KLHDC10: variants seen among roughly 807,000 people sequenced by gnomAD.
KLHDC10 encodes the protein kelch domain-containing protein 10.
A neutral mutation model predicts 56.1 loss-of-function variants in KLHDC10; 24 were observed. The ratio of observed to expected loss-of-function variants is 0.43; its 90% confidence interval spans 0.31 to 0.60. KLHDC10 has a LOEUF of 0.60. Ranked by LOEUF, KLHDC10 falls within the 20% of genes least tolerant of loss-of-function variation. KLHDC10 has a pLI of 0.11. For synonymous variants in KLHDC10, 188 were observed against 207.1 expected (o/e 0.91, Z 0.79); for missense variants, 349 against 567.0 (o/e 0.62, Z 3.91).
At chr7:130,105,375 GATAA>G (rs1563102064) in intron 2 of KLHDC10, among the ~76,000 whole-genome samples, 1 of 152,064 alleles carries the variant, frequency 6.6e-6, no homozygotes, top group African/African-American at 2.4e-5. Context: ...ACTTAGACTG[GATAA>G]ATAAATTGTG....
chr7:130,070,554 G>A lies in KLHDC10; in HGVS notation c.-90G>A. 6.6e-6 allele frequency: 8 copies of A among 1,203,904 alleles called. No individual in the cohort carries two copies. Among genetic ancestry groups the A allele is most frequent in the Non-Finnish European group, 8.4e-6 (8 of 952,158 alleles). The allele number at this position is 1,203,904 out of a possible 1,614,324, so 74.6% of individuals were successfully genotyped here. On this transcript the variant is annotated 5_prime_UTR_variant, in exon 1 of 10. Transcript: ENST00000335420. The stretch of plus-strand genomic sequence containing the variant: ...GCGCTGCCCCCTTCCCCTGTCTCCT[G>A]GGTCTCTGGAGGAGCCCAGGAAGGA...
chr7:130,109,023 T>C (rs977016355), intron 2 of KLHDC10, among the ~76,000 whole-genome samples: 2 of 152,044 alleles, frequency 1.3e-5, no homozygotes, highest in Non-Finnish European at 2.9e-5. Context: ...TAAGTGATTC[T>C]TCCGCCTCAG....
At chr7:130,080,999 C>CTTTT (rs966845024) in intron 1 of KLHDC10, among the ~76,000 whole-genome samples, 9 of 131,928 alleles carry the variant, frequency 6.8e-5, no homozygotes, top group African/African-American at 1.2e-4. Context: ...TTTCAGTTTT[C>CTTTT]TTTTTTTTTT....
Position 130,086,050 on chromosome 7 carries a change from C to T in KLHDC10, c.167-10871C>T, listed in dbSNP as rs572772292. On this transcript the variant is annotated intron_variant, in intron 1 of 9. Transcript: ENST00000335420. The stretch of plus-strand genomic sequence containing the variant: ...AATTACTTAGAATTTTGAGGTGCAG[C>T]CTAATTTTTATTAGCCTGTATATTT... Among the ~76,000 whole-genome samples the T allele has an allele frequency of 2.6e-5, 4 of 151,948 alleles. No individual in the cohort carries two copies. In the East Asian group the frequency reaches 7.7e-4, roughly 29 times the overall value.
At position 130,133,357 on chromosome 7, in the gene KLHDC10, A is replaced by ACT. The variant is rs1478296621; in HGVS notation, c.*2612_*2613dup. ...TCTTTGAGGTACTCCCAGCCGTCTTACTACAGTCCTGTAAATTTAAGTGCA... is the reference window on the plus strand; with the variant it reads ...TCTTTGAGGTACTCCCAGCCGTCTTACTCTACAGTCCTGTAAATTTAAGTGCA... On this transcript the variant is annotated 3_prime_UTR_variant, in exon 10 of 10. Coordinates refer to ENST00000335420, the MANE Select transcript of KLHDC10 (RefSeq NM_014997.4). 1 of 152,234 alleles carries ACT rather than the reference A, an allele frequency of 6.6e-6. No individual in the cohort carries two copies. 9.4% of individuals were successfully genotyped at this position (152,234 alleles called of 1,614,324 possible).
intron 1 of KLHDC10, 103 bp downstream of exon 1, chr7:130,070,912 GC>G: frequency 1.2e-6 from 1 of 807,514 alleles, no homozygotes; most frequent in Non-Finnish European, 1.7e-6. Flanking sequence ...GGAAAGGCAG[GC>G]CCCACGCATA....
rs1487037798 is a variant in KLHDC10 at position 130,134,096 on chromosome 7, A to G, written c.*3350A>G. 6.6e-6 allele frequency: 1 copy of G among 152,262 alleles called. No individual in the cohort carries two copies. 9.4% of individuals were successfully genotyped at this position (152,262 alleles called of 1,614,324 possible). On this transcript the variant is annotated 3_prime_UTR_variant, in exon 10 of 10. Transcript: ENST00000335420. Reference sequence around the variant, plus strand: ...CAGTAGCAAGAGTAAAGCACAGATCATTGAAATCCATAGATAATCAGTGAA... The same window carrying G: ...CAGTAGCAAGAGTAAAGCACAGATCGTTGAAATCCATAGATAATCAGTGAA...
At chr7:130,112,224 G>A (rs905849075) in intron 2 of KLHDC10, among the ~76,000 whole-genome samples, 5 of 152,152 alleles carry the variant, frequency 3.3e-5, no homozygotes, top group African/African-American at 1.2e-4. Flanking sequence ...ATCTCAGACA[G>A]CTAGCTTCTT....
rs765509688 is a variant in KLHDC10 at position 130,070,738 on chromosome 7, G to T, written c.95G>T (p.Gly32Val). 2 of 1,286,638 alleles carry T rather than the reference G, an allele frequency of 1.6e-6. No individual in the cohort carries two copies. Among genetic ancestry groups the T allele is most frequent in the African/African-American group, 1.5e-5 (1 of 65,396 alleles). 79.7% of individuals were successfully genotyped at this position (1,286,638 alleles called of 1,614,324 possible). ...GGTAGCGGGGCCGGCGGGGGCAGTG[G>T]GGGCAGCGGGGGTCGGGGGACTGGC... Reference protein sequence around the residue: ...GGGSGAGGGSGGSGGRGTGQL... With the variant: ...GGGSGAGGGSVGSGGRGTGQL... The change falls in exon 1 of 10, where the codon GGG becomes GTG. Residue 32 changes from glycine to valine, a missense_variant. This residue lies in a region of KLHDC10 where 104 missense variants were observed against 97.0 expected (regional missense o/e 1.07). Transcript: ENST00000335420.
intron 1 of KLHDC10, among the ~76,000 whole-genome samples, chr7:130,096,142 C>T (rs1251384709): frequency 1.3e-5 from 2 of 152,122 alleles, no homozygotes; most frequent in Non-Finnish European, 2.9e-5. Flanking sequence ...TATGTGAAAG[C>T]TCTTTGTAAA....
intron 2 of KLHDC10, among the ~76,000 whole-genome samples, chr7:130,110,696 G>A (rs935310244): frequency 6.6e-6 from 1 of 152,006 alleles, no homozygotes; most frequent in African/African-American, 2.4e-5. Context: ...AGGTAATTGT[G>A]GCCTTTACAT....
At chr7:130,129,637 A>C (rs112115072) in intron 9 of KLHDC10, 61 bp downstream of exon 9, 226 of 1,509,920 alleles carry the variant, frequency 1.5e-4, no homozygotes, top group Middle Eastern at 1.4e-3. Context: ...ATCTTTTTAG[A>C]GATATTAGCA....
At chr7:130,127,327 T>A (rs1796327534) in intron 7 of KLHDC10, 77 bp from the exon 8 acceptor site, 1 of 1,143,802 alleles carries the variant, frequency 8.7e-7, no homozygotes, top group Non-Finnish European at 1.3e-6. Flanking sequence ...ACGTAGTGTG[T>A]CTTTCACTGT....
intron 5 of KLHDC10, among the ~76,000 whole-genome samples, chr7:130,122,716 G>A (rs2116912405): frequency 6.6e-6 from 1 of 152,220 alleles, no homozygotes; most frequent in African/African-American, 2.4e-5. Context: ...ACCACGTCTG[G>A]CTAAATTTTT....
rs966672908 is a variant in KLHDC10, at chr7:130,134,655, A to G, written c.*3909A>G. 2.6e-5 allele frequency: 4 copies of G among 151,864 alleles called. No homozygotes were observed. The highest frequency in any genetic ancestry group is 5.9e-5 in the Non-Finnish European group (4 of 67,966). The allele number at this position is 151,864 out of a possible 1,614,324, so 9.4% of individuals were successfully genotyped here. ...CCATTTTTTTTTTGTGGTCTTACAG[A>G]TGTTTAGAAAGTGGCACAGGTTACT... On this transcript the variant is annotated 3_prime_UTR_variant, in exon 10 of 10. Coordinates refer to ENST00000335420, the MANE Select transcript of KLHDC10 (RefSeq NM_014997.4).
rs1796366999 is a variant in KLHDC10 at position 130,129,485 on chromosome 7, T to C, written c.1028T>C (p.Ile343Thr). The C allele has an allele frequency of 2.5e-6, 4 of 1,614,054 alleles. No individual in the cohort carries two copies. The highest frequency in any genetic ancestry group is 2.7e-5 in the African/African-American group (2 of 74,912). ...AATGGAGAGGTGATCCTGGGAGATA[T>C]CTGGAAGTTGAATCTGCAGACTTTC... ...GYNGEVILGD[I>T]WKLNLQTFQW... Residue 343 changes from isoleucine to threonine, a missense_variant, in exon 9 of 10, where the codon ATC (isoleucine) becomes ACC (threonine). By Grantham distance (89) the Ile-to-Thr change is moderately conservative. Around this residue, in one of 2 missense-constraint regions of KLHDC10, gnomAD observed 245 missense variants for 470.1 expected, o/e 0.52. Coordinates refer to ENST00000335420, the MANE Select transcript of KLHDC10 (RefSeq NM_014997.4).
intron 1 of KLHDC10, among the ~76,000 whole-genome samples, chr7:130,088,792 G>C (rs1795729115): frequency 6.7e-6 from 1 of 148,972 alleles, no homozygotes; most frequent in African/African-American, 2.5e-5. Context: ...ACAGGGACCC[G>C]CCACCACACC....
In KLHDC10 at chr7:130,096,919, A is replaced by C. The variant is rs1303202275; in HGVS notation, c.167-2A>C. 3.1e-6 allele frequency: 5 copies of C among 1,607,684 alleles called. No individual in the cohort carries two copies. The Admixed American group carries it at 8.3e-5, about 27-fold the overall frequency. Reference sequence around the variant, plus strand: ...ACTTATTGCTGATAATTGTGGTAACAGGTAAGAAGAAAATACGATGGGACC... The same window carrying C: ...ACTTATTGCTGATAATTGTGGTAACCGGTAAGAAGAAAATACGATGGGACC... On this transcript the variant is annotated splice_acceptor_variant, in intron 1 of 9. Transcript: ENST00000335420. LOFTEE classifies it high-confidence loss of function.
intron 1 of KLHDC10, among the ~76,000 whole-genome samples, chr7:130,083,377 C>T (rs1489772772): frequency 3.9e-5 from 6 of 152,124 alleles, no homozygotes; most frequent in Non-Finnish European, 5.9e-5. Flanking sequence ...TACCTCTTTA[C>T]CCTCCGCATT....
Sources: allele counts gnomAD v4.1 joint callset (sites outside exome capture counted in the v4.1 genomes callset), GRCh38; gene constraint gnomAD v4.1.1; regional missense constraint gnomAD v4.1.1; transcripts MANE v1.5; gene names NCBI Gene and HGNC (gene_info 2026-07-23, HGNC 2026-07-21).